SLC12A6: variants seen among roughly 807,000 people sequenced by gnomAD.
SLC12A6 encodes K-Cl cotransporter 3.
In SLC12A6, 66 loss-of-function variants were observed where a neutral mutation model predicts 135.3. The observed-to-expected ratio is 0.49, with a 90% CI of 0.40 to 0.60. The LOEUF is 0.60. SLC12A6 is among the 20% of genes least tolerant of loss of function. The pLI, the probability that SLC12A6 is intolerant of heterozygous loss-of-function variation, is 0.00. For missense variants in SLC12A6, 1,058 were observed against 1,452.3 expected, an observed-to-expected ratio of 0.73 and a Z score of 4.41; for synonymous variants, 513 against 508.8, an observed-to-expected ratio of 1.01 and a Z score of -0.11.
At position 34,251,038 on chromosome 15, in the gene SLC12A6, G is replaced by A; in HGVS notation, c.1353C>T (p.Tyr451=). ...GIITENLWSN[Y]LPKGEIIEKP... ...TTTCGATGATCTCTCCCTTGGGTAG[G>A]TAATTACTCCAAAGATTCTCTGCAG... is the stretch of plus-strand genomic sequence containing the variant. The change falls in exon 11 of 26, where the codon TAC becomes TAT. Residue 451 remains tyrosine, a synonymous_variant. Transcript: ENST00000354181. The A allele has an allele frequency of 6.2e-7, 1 of 1,609,382 alleles. No individual in the cohort carries two copies. The highest frequency in any genetic ancestry group is 8.5e-7 in the Non-Finnish European group (1 of 1,176,002).
intron 2 of SLC12A6, among the ~76,000 whole-genome samples, chr15:34,275,698 G>T (rs1385885034): frequency 6.6e-6 from 1 of 151,944 alleles, no homozygotes; most frequent in Non-Finnish European, 1.5e-5. Flanking sequence ...ATAGCCAAAA[G>T]GTTACCAGGT....
Position 34,334,240 on chromosome 15 carries a change from T to C in SLC12A6, c.271+2170A>G, listed in dbSNP as rs549283011. ...TACTAATGTCACAACCACAGAAGGA[T>C]GTACAAAGGGTGAAAAAATTCAGAG... On this transcript the variant is annotated intron_variant, in intron 2 of 25. Transcript: ENST00000354181. 6.6e-5 allele frequency among the ~76,000 whole-genome samples: 10 copies of C among 152,176 alleles called. No individual in the cohort carries two copies. In the South Asian group the frequency reaches 2.1e-3, roughly 32 times the overall value.
intron 13 of SLC12A6, among the ~76,000 whole-genome samples, chr15:34,246,950 TAAG>T (rs1275634444): frequency 6.6e-6 from 1 of 152,190 alleles, no homozygotes; most frequent in Non-Finnish European, 1.5e-5. Context: ...TGTGCCCAGC[TAAG>T]TTATGGCAGA....
chr15:34,337,383 T>C lies in SLC12A6; in HGVS notation c.-124A>G, dbSNP rs1027188572. The C allele has an allele frequency of 6.5e-6, 1 of 154,026 alleles. No individual in the cohort carries two copies. Among genetic ancestry groups the C allele is most frequent in the South Asian group, 2.0e-4 (1 of 5,100 alleles). The allele number at this position is 154,026 out of a possible 1,614,324, so 9.5% of individuals were successfully genotyped here. ...AGGATGCAGGGGCAGAGCGGATTCC[T>C]GTCTCCGAGAGGTCGGTGGGGGTGG... On this transcript the variant is annotated 5_prime_UTR_variant, in exon 1 of 26. Transcript: ENST00000354181.
chr15:34,238,235 G>A lies in SLC12A6; in HGVS notation c.2799C>T (p.His933=), dbSNP rs1462554701. The A allele has an allele frequency of 6.2e-7, 1 of 1,609,708 alleles. No homozygotes were observed. Among genetic ancestry groups the A allele is most frequent in the East Asian group, 2.2e-5 (1 of 44,866 alleles). Residue 933 remains histidine (H), a synonymous_variant, in exon 21 of 26, where the codon CAC becomes CAT. Coordinates refer to ENST00000354181, the MANE Select transcript of SLC12A6 (RefSeq NM_001365088.1). ...AAAAAAAAGTTGTATAAAATACCTT[G>A]TGCTGTTTCAGTAGGAATGGTAGTA... is the stretch of plus-strand genomic sequence containing the variant. ...LMLLPFLLKQ[H]KVWRKCSIRI...
intron 3 of SLC12A6, among the ~76,000 whole-genome samples, chr15:34,272,645 G>C (rs1350684613): frequency 2.6e-5 from 4 of 152,174 alleles, no homozygotes. Flanking sequence ...CAGTCTCTTT[G>C]CAAATACTAT....
intron 2 of SLC12A6, among the ~76,000 whole-genome samples, chr15:34,309,284 C>T (rs540283363): frequency 2.0e-5 from 3 of 152,120 alleles, no homozygotes; most frequent in African/African-American, 7.2e-5. Context: ...CTAAATTCAG[C>T]CCGAAATTTA....
Position 34,250,724 on chromosome 15 carries a change from T to A in SLC12A6, c.1498A>T (p.Met500Leu). ...GIFFPSVTGIMAGSNRSGDLK... is the reference protein window; with the variant it reads ...GIFFPSVTGILAGSNRSGDLK... ...TCTCCAGATCTGTTTGATCCAGCCATGATACCTTTAGAGATAAGGGGGAAA... is the reference window on the plus strand; with the variant it reads ...TCTCCAGATCTGTTTGATCCAGCCAAGATACCTTTAGAGATAAGGGGGAAA... Residue 500 changes from methionine to leucine, a missense_variant, in exon 12 of 26, where the codon ATG becomes TTG. By Grantham distance (15) the Met-to-Leu change is conservative (BLOSUM62 2). Transcript: ENST00000354181. 8.8e-6 allele frequency: 14 copies of A among 1,586,762 alleles called. No individual in the cohort carries two copies. Among genetic ancestry groups the A allele is most frequent in the Non-Finnish European group, 1.2e-5 (14 of 1,155,042 alleles).
intron 22 of SLC12A6, 41 bp downstream of exon 22, chr15:34,237,377 TG>T: frequency 6.3e-7 from 1 of 1,576,362 alleles, no homozygotes; most frequent in African/African-American, 1.4e-5. Context: ...GGGAGAGGAA[TG>T]GGGGAATGAA....
chr15:34,256,967 T>C (rs1024804691), intron 6 of SLC12A6, among the ~76,000 whole-genome samples: 4 of 152,170 alleles, frequency 2.6e-5, no homozygotes, highest in African/African-American at 9.7e-5. Context: ...AAAAAGGTGG[T>C]ACCATGAACA....
chr15:34,261,091 G>A (rs569250397), intron 3 of SLC12A6, 71 bp from the exon 4 acceptor site: 1 of 824,112 alleles, frequency 1.2e-6, no homozygotes, highest in Admixed American at 1.7e-5. Flanking sequence ...CACCAGATAA[G>A]TGCAGGTTGC....
chr15:34,264,900 A>G (rs549493934), intron 3 of SLC12A6, among the ~76,000 whole-genome samples: 313 of 152,350 alleles, frequency 2.1e-3, no homozygotes, highest in Non-Finnish European at 3.9e-3. Flanking sequence ...AGAAAATTCT[A>G]AAGAGTATAG....
chr15:34,264,149 C>A (rs1893340303), intron 3 of SLC12A6, among the ~76,000 whole-genome samples: 1 of 152,054 alleles, frequency 6.6e-6, no homozygotes. Context: ...AGAAAAAAAT[C>A]ACTAATAAAA....
chr15:34,262,952 G>A (rs57573060), intron 3 of SLC12A6, among the ~76,000 whole-genome samples: 4,164 of 152,274 alleles, frequency 0.027, 192 homozygotes, highest in African/African-American at 0.095. Flanking sequence ...AGCAAAGCCT[G>A]GGCATGGATG....
intron 2 of SLC12A6, among the ~76,000 whole-genome samples, chr15:34,328,463 T>TA (rs1889620569): frequency 6.6e-6 from 1 of 152,238 alleles, no homozygotes; most frequent in Admixed American, 6.5e-5. Context: ...AATATGGTGA[T>TA]AGTGTTTCCT....
chr15:34,298,613 G>C (rs1896040561), intron 2 of SLC12A6, among the ~76,000 whole-genome samples: 1 of 150,856 alleles, frequency 6.6e-6, no homozygotes, highest in Non-Finnish European at 1.5e-5. Context: ...AAATGGAGGA[G>C]AGACATTCCA....
Position 34,250,305 on chromosome 15 carries a change from T to C in SLC12A6, c.1642A>G (p.Arg548Gly). 1.3e-6 allele frequency: 2 copies of C among 1,558,718 alleles called. No homozygotes were observed. Among genetic ancestry groups the C allele is most frequent in the Non-Finnish European group, 1.8e-6 (2 of 1,129,430 alleles). Residue 548 changes from arginine (R) to glycine (G), a missense_variant, in exon 13 of 26, where the codon AGA (arginine) becomes GGA (glycine). By Grantham distance (125) the Arg-to-Gly change is moderately radical. Coordinates refer to ENST00000354181, the MANE Select transcript of SLC12A6 (RefSeq NM_001365088.1). ...AAGAAATTCATTACTCACTTGTCTC[T>C]GAGAACAACCCCTTCAATACATGCA... Reference protein sequence around the residue: ...FGACIEGVVLRDKFGDAVKGN... With the variant: ...FGACIEGVVLGDKFGDAVKGN...
At chr15:34,272,958 AT>A (rs1894063473) in intron 3 of SLC12A6, among the ~76,000 whole-genome samples, 1 of 152,132 alleles carries the variant, frequency 6.6e-6, no homozygotes, top group Non-Finnish European at 1.5e-5. Context: ...GTCTGGCAAA[AT>A]TTTTCAATGA....
chr15:34,247,308 G>C (rs1288114142), intron 13 of SLC12A6, among the ~76,000 whole-genome samples: 1 of 152,074 alleles, frequency 6.6e-6, no homozygotes, highest in East Asian at 1.9e-4. Context: ...ACGAGGTCAG[G>C]AGATCGAGAC....
Sources: gnomAD v4.1 joint callset for allele counts (sites outside exome capture counted in the v4.1 genomes callset) on GRCh38, gnomAD v4.1.1 for gene constraint, MANE v1.5 for transcripts, NCBI Gene and HGNC (gene_info 2026-07-23, HGNC 2026-07-21) for gene names.